Variants in CCL17 observed in about 807,000 individuals in gnomAD.
CCL17 encodes C-C motif chemokine 17.
In CCL17, 8 loss-of-function variants were observed where a neutral mutation model predicts 7.4. The observed-to-expected ratio is 1.09, with a 90% CI of 0.64 to 1.96. CCL17 has a LOEUF of 1.96. Ranked by LOEUF, CCL17 falls within the 30% of genes most tolerant of loss-of-function variation. The pLI, the probability that CCL17 is intolerant of heterozygous loss-of-function variation, is 0.00. For missense variants in CCL17, 102 were observed against 113.0 expected, an observed-to-expected ratio of 0.90 and a Z score of 0.44; for synonymous variants, 40 against 46.1, an observed-to-expected ratio of 0.87 and a Z score of 0.54.
Position 57,415,052 on chromosome 16 carries a change from A to T in CCL17, c.71-29A>T. ...GCAACACACACGCAGACACTCACAG[A>T]CACCCCTGCCCCGCTCCTCTCCCTG... On this transcript the variant is annotated intron_variant, in intron 2 of 3. Coordinates refer to ENST00000219244, the MANE Select transcript of CCL17 (RefSeq NM_002987.3). This position sits in a 1 kb window ranked among gnomAD's most constrained non-coding sequence, Gnocchi z 4.5. The T allele has an allele frequency of 2.0e-6, 3 of 1,480,318 alleles. No individual in the cohort carries two copies. In the South Asian group the frequency reaches 3.4e-5, roughly 17 times the overall value. The allele number at this position is 1,480,318 out of a possible 1,614,324, so 91.7% of individuals were successfully genotyped here. A position where few individuals can be genotyped will look rare whatever the true frequency, so the allele number is the denominator to read the frequency against.
chr16:57,398,800 C>T, the CCL17 span, among the ~76,000 whole-genome samples: 1 of 152,208 alleles, frequency 6.6e-6, no homozygotes. Flanking sequence ...GGCTTCCAAA[C>T]TGGTAGCCAA....
chr16:57,410,192 G>A (rs947900274), intron 1 of CCL17, among the ~76,000 whole-genome samples: 2 of 152,206 alleles, frequency 1.3e-5, no homozygotes, highest in African/African-American at 4.8e-5. Flanking sequence ...CCACGAGCCT[G>A]GGCAGAGCCT....
rs763760487 is a variant in CCL17 at position 57,415,731 on chromosome 16, C to G, written c.189-34C>G. 57 of 1,427,256 alleles carry G rather than the reference C, an allele frequency of 4.0e-5. No homozygotes were observed. Among genetic ancestry groups the G allele is most frequent in the Middle Eastern group, 1.9e-4 (1 of 5,390 alleles). The allele number at this position is 1,427,256 out of a possible 1,614,324, so 88.4% of individuals were successfully genotyped here. The stretch of plus-strand genomic sequence containing the variant: ...AGGGACTCTGGGGGCCCTTCCCCCC[C>G]TGCCACTCCTGGTAACGTCCTCCTT... On this transcript the variant is annotated intron_variant, in intron 3 of 3. Coordinates refer to ENST00000219244, the MANE Select transcript of CCL17 (RefSeq NM_002987.3). The surrounding 1 kb of genome is among the most constrained non-coding windows in gnomAD (Gnocchi z 4.5).
chr16:57,409,422 A>G (rs1902750127), intron 1 of CCL17, among the ~76,000 whole-genome samples: 1 of 152,202 alleles, frequency 6.6e-6, no homozygotes, highest in African/African-American at 2.4e-5. Context: ...AGCCTGGAGA[A>G]GTAGGCAGAA....
upstream of CCL17, among the ~76,000 whole-genome samples, chr16:57,404,144 CAG>C (rs1288245970): frequency 3.3e-5 from 5 of 152,028 alleles, no homozygotes; most frequent in Non-Finnish European, 7.4e-5. Flanking sequence ...TACAGGTGGG[CAG>C]AGAGCAGGGC....
intron 1 of CCL17, among the ~76,000 whole-genome samples, chr16:57,405,829 C>T (rs1464895859): frequency 4.7e-5 from 7 of 150,420 alleles, no homozygotes; most frequent in African/African-American, 7.3e-5. Flanking sequence ...ATCAGGAGAT[C>T]GAGACCATCC....
intron 1 of CCL17, among the ~76,000 whole-genome samples, chr16:57,411,282 G>T (rs1481176166): frequency 2.0e-5 from 3 of 152,158 alleles, no homozygotes; most frequent in Non-Finnish European, 4.4e-5. Flanking sequence ...GCAGGGTCGG[G>T]CCTCTGTCCG....
At chr16:57,414,410 CTTTTTTTTTTTTTTTTT>C (rs71152269) in intron 2 of CCL17, among the ~76,000 whole-genome samples, 1 of 75,966 alleles carries the variant, frequency 1.3e-5, no homozygotes, top group African/African-American at 5.6e-5. Context: ...AAAAAGGATT[CTTTTTTTTTTTTTTTTT>C]TTTTTTTTTG....
At chr16:57,410,827 A>C (rs888005218) in intron 1 of CCL17, among the ~76,000 whole-genome samples, 1 of 152,092 alleles carries the variant, frequency 6.6e-6, no homozygotes, top group Non-Finnish European at 1.5e-5. Flanking sequence ...CCCTTCCTTC[A>C]GTCCTGTGTT....
At chr16:57,410,185 C>T (rs761882229) in intron 1 of CCL17, among the ~76,000 whole-genome samples, 1 of 152,188 alleles carries the variant, frequency 6.6e-6, no homozygotes, top group South Asian at 2.1e-4. Flanking sequence ...GGCTTCTCCA[C>T]GAGCCTGGGC....
chr16:57,397,579 C>T, the CCL17 span, among the ~76,000 whole-genome samples: 2 of 152,130 alleles, frequency 1.3e-5, no homozygotes, highest in African/African-American at 4.8e-5. Flanking sequence ...TTGATGGCTT[C>T]AGCAGTGTAA....
rs527237723 is a variant in CCL17 at position 57,410,791 on chromosome 16, T to G, written c.-59-3083T>G. Reference sequence around the variant, plus strand: ...CCTCCCAAAGAAGACTGAGGCACACTGGGCCCTTTGCATCCATCTCGCCTT... The same window carrying G: ...CCTCCCAAAGAAGACTGAGGCACACGGGGCCCTTTGCATCCATCTCGCCTT... On this transcript the variant is annotated intron_variant, in intron 1 of 3. Coordinates refer to ENST00000219244, the MANE Select transcript of CCL17 (RefSeq NM_002987.3). 9.2e-5 allele frequency among the ~76,000 whole-genome samples: 14 copies of G among 152,308 alleles called. No individual in the cohort carries two copies. In the South Asian group the frequency reaches 2.9e-3, roughly 32 times the overall value.
Position 57,415,827 on chromosome 16 carries a change from C to G in CCL17, c.251C>G (p.Ala84Gly). 1 of 1,612,620 alleles carries G rather than the reference C, an allele frequency of 6.2e-7. No individual in the cohort carries two copies. Among genetic ancestry groups the G allele is most frequent in the South Asian group, 1.1e-5 (1 of 91,036 alleles). ...CCCAACAACAAGAGAGTGAAGAATG[C>G]AGTTAAATACCTGCAAAGCCTTGAG... The part of the protein sequence containing the change: ...SDPNNKRVKN[A>G]VKYLQSLERS The change falls in exon 4 of 4, where the codon GCA becomes GGA. Residue 84 changes from alanine (A) to glycine (G), a missense_variant. By Grantham distance (60) the Ala-to-Gly change is moderately conservative. Transcript: ENST00000219244. The surrounding 1 kb of genome is among the most constrained non-coding windows in gnomAD (Gnocchi z 4.5).
At chr16:57,396,522 G>A in the CCL17 span, among the ~76,000 whole-genome samples, 2 of 152,114 alleles carry the variant, frequency 1.3e-5, no homozygotes, top group African/African-American at 4.8e-5. Context: ...TATCTACTAG[G>A]AACCATTCAA....
At chr16:57,404,329 T>C (rs1199615472), upstream of CCL17, among the ~76,000 whole-genome samples, 2 of 151,876 alleles carry the variant, frequency 1.3e-5, no homozygotes, top group African/African-American at 4.8e-5. Context: ...CAGAAGGCAG[T>C]TGTAGGAAGC....
upstream of CCL17, among the ~76,000 whole-genome samples, chr16:57,401,017 C>T (rs1355915950): frequency 6.6e-6 from 1 of 151,094 alleles, no homozygotes; most frequent in African/African-American, 2.5e-5. Flanking sequence ...AGTAACTAAG[C>T]CAGCAGGCAG....
At position 57,415,259 on chromosome 16, in the gene CCL17, GGA is replaced by G; in HGVS notation, c.188+63_188+64del. ...CCAAGCATGGGGACAAGTGCACCCT[GGA>G]GCTCCCAGGACGGCCAATGGGGAGC... On this transcript the variant is annotated intron_variant, in intron 3 of 3. Coordinates refer to ENST00000219244, the MANE Select transcript of CCL17 (RefSeq NM_002987.3). This position sits in a 1 kb window ranked among gnomAD's most constrained non-coding sequence, Gnocchi z 4.5. The G allele has an allele frequency of 9.1e-7, 1 of 1,104,958 alleles. No individual in the cohort carries two copies. 68.4% of individuals were successfully genotyped at this position (1,104,958 alleles called of 1,614,324 possible).
At chr16:57,408,200 TAC>T (rs1483835456) in intron 1 of CCL17, among the ~76,000 whole-genome samples, 1 of 151,906 alleles carries the variant, frequency 6.6e-6, no homozygotes, top group Non-Finnish European at 1.5e-5. Flanking sequence ...CCATCATCCA[TAC>T]ACACATCCAC....
At chr16:57,401,917 C>T (rs1352042348), upstream of CCL17, among the ~76,000 whole-genome samples, 1 of 152,222 alleles carries the variant, frequency 6.6e-6, no homozygotes, top group Non-Finnish European at 1.5e-5. Context: ...CCCCAACTTT[C>T]CCTCCACTTC....
Sources: gnomAD v4.1 joint callset for allele counts (sites outside exome capture counted in the v4.1 genomes callset) on GRCh38, gnomAD v4.1.1 for gene constraint, Gnocchi (gnomAD v3.1) non-coding constraint, MANE v1.5 for transcripts, NCBI Gene and HGNC (gene_info 2026-07-23, HGNC 2026-07-21) for gene names.